The following MGST2 variants were observed in gnomAD, a reference collection of about 807,000 sequenced individuals.
MGST2 encodes glutathione peroxidase MGST2.
MGST2 carries 9 observed loss-of-function variants against 16.6 expected under a neutral mutation model. That is an observed-to-expected ratio of 0.54 (90% CI 0.33 to 0.95). The LOEUF is 0.95. Among genes scored for constraint, MGST2 ranks in the 40% least tolerant of loss-of-function variants. The pLI, the probability that MGST2 is intolerant of heterozygous loss-of-function variation, is 0.03. For missense variants in MGST2, 159 were observed against 175.1 expected, an observed-to-expected ratio of 0.91 and a Z score of 0.52; for synonymous variants, 79 against 68.0, an observed-to-expected ratio of 1.16 and a Z score of -0.79.
intron 3 of MGST2, among the ~76,000 whole-genome samples, chr4:139,696,671 A>G (rs566183611): frequency 6.6e-6 from 1 of 152,290 alleles, no homozygotes; most frequent in East Asian, 1.9e-4. Context: ...GCTCTGTTGT[A>G]AATCCTGTGA....
chr4:139,682,523 A>G (rs1184106834), intron 2 of MGST2, among the ~76,000 whole-genome samples: 1 of 152,198 alleles, frequency 6.6e-6, no homozygotes, highest in African/African-American at 2.4e-5. Flanking sequence ...CAGAGAGGTC[A>G]TAGACGGCTG....
intron 3 of MGST2, among the ~76,000 whole-genome samples, chr4:139,699,946 C>T (rs907988707): frequency 1.1e-4 from 16 of 152,020 alleles, no homozygotes; most frequent in Non-Finnish European, 1.5e-4. Context: ...GTGAGAGGAG[C>T]TCTCAAGCCC....
intron 3 of MGST2, chr4:139,698,378 A>C: frequency 7.5e-6 from 12 of 1,605,516 alleles, no homozygotes; most frequent in Non-Finnish European, 1.0e-5. Context: ...CCAGAAGTTC[A>C]GTGGACTTCT....
intron 1 of MGST2, 21 bp from the exon 2 acceptor site, chr4:139,678,522 A>G (rs1339292715): frequency 1.5e-5 from 24 of 1,598,018 alleles, no homozygotes; most frequent in Non-Finnish European, 1.9e-5. Context: ...TCTTTAACGC[A>G]ACATTTCCCT....
At chr4:139,749,884 A>AACC in the MGST2 span, among the ~76,000 whole-genome samples, 9 of 97,350 alleles carry the variant, frequency 9.2e-5, no homozygotes, top group African/African-American at 4.0e-4. Flanking sequence ...GATGAATAAG[A>AACC]ACCCCCCCCC....
chr4:139,731,616 C>CA (rs146139547), intron 5 of MGST2, among the ~76,000 whole-genome samples: 4,592 of 150,474 alleles, frequency 0.031, 99 homozygotes, highest in Non-Finnish European at 0.047. Context: ...GACTCTTTCT[C>CA]AAAAAAAAAG....
In MGST2 at chr4:139,669,153, C is replaced by A. The variant is rs150469142; in HGVS notation, c.58+3076C>A. On this transcript the variant is annotated intron_variant, in intron 1 of 4. Transcript: ENST00000265498. ...CACCTTTTCCCCATCATGGCCTGAACTCGTTTTTTAGGTTAACTTTGGAAT... is the reference window on the plus strand; with the variant it reads ...CACCTTTTCCCCATCATGGCCTGAAATCGTTTTTTAGGTTAACTTTGGAAT... Among the ~76,000 whole-genome samples the A allele has an allele frequency of 4.3e-4, 65 of 152,200 alleles. No individual in the cohort carries two copies. In the East Asian group the frequency reaches 7.7e-3, roughly 18 times the overall value.
chr4:139,695,149 T>C, intron 2 of MGST2, 48 bp from the exon 3 acceptor site: 1 of 1,314,772 alleles, frequency 7.6e-7, no homozygotes, highest in Non-Finnish European at 1.1e-6. Flanking sequence ...AATGCTTCAG[T>C]GTATACTTTT....
intron 2 of MGST2, among the ~76,000 whole-genome samples, chr4:139,685,960 A>C (rs369778152): frequency 6.6e-6 from 1 of 152,166 alleles, no homozygotes; most frequent in Non-Finnish European, 1.5e-5. Flanking sequence ...CACCACACCC[A>C]GCCTGAAGAG....
the MGST2 span, among the ~76,000 whole-genome samples, chr4:139,751,156 A>G: frequency 6.6e-6 from 1 of 152,208 alleles, no homozygotes; most frequent in Admixed American, 6.5e-5. Flanking sequence ...CCTCTGAAAA[A>G]TATCTCTCCC....
intron 5 of MGST2, among the ~76,000 whole-genome samples, chr4:139,710,433 GC>G (rs1376048199): frequency 1.3e-5 from 2 of 152,114 alleles, no homozygotes; most frequent in Non-Finnish European, 2.9e-5. Context: ...TTCATCCAGT[GC>G]CAAACGAGTA....
intron 5 of MGST2, among the ~76,000 whole-genome samples, chr4:139,711,360 GTTTA>G (rs899411181): frequency 6.6e-6 from 1 of 152,110 alleles, no homozygotes; most frequent in Non-Finnish European, 1.5e-5. Flanking sequence ...GTGAAAGCAA[GTTTA>G]TTAAGAAAGT....
intron 3 of MGST2, among the ~76,000 whole-genome samples, chr4:139,696,591 A>G (rs1726935563): frequency 6.6e-6 from 1 of 152,184 alleles, no homozygotes; most frequent in African/African-American, 2.4e-5. Flanking sequence ...TCCAAGATTC[A>G]TATCTTGAGA....
At chr4:139,681,794 A>G (rs917308673) in intron 2 of MGST2, among the ~76,000 whole-genome samples, 9 of 152,186 alleles carry the variant, frequency 5.9e-5, no homozygotes, top group Non-Finnish European at 1.0e-4. Context: ...GCATTGTTAT[A>G]ATAGCTTGGC....
chr4:139,666,558 GA>G (rs905655750), intron 1 of MGST2, among the ~76,000 whole-genome samples: 2 of 152,034 alleles, frequency 1.3e-5, no homozygotes, highest in African/African-American at 2.4e-5. Flanking sequence ...TTATCAGATT[GA>G]AAAAAACTTC....
intron 2 of MGST2, among the ~76,000 whole-genome samples, chr4:139,682,291 G>A (rs1456976271): frequency 6.6e-6 from 1 of 152,108 alleles, no homozygotes; most frequent in Non-Finnish European, 1.5e-5. Context: ...AAGAGGGTAT[G>A]GGATGGGTTC....
chr4:139,736,198 A>G (rs191489014), intron 5 of MGST2, among the ~76,000 whole-genome samples: 1 of 152,300 alleles, frequency 6.6e-6, no homozygotes, highest in Admixed American at 6.5e-5. Context: ...CTTTAGCCCA[A>G]CTGGGATTTC....
chr4:139,714,259 C>T (rs747932639), intron 5 of MGST2, among the ~76,000 whole-genome samples: 1 of 152,198 alleles, frequency 6.6e-6, no homozygotes, highest in Non-Finnish European at 1.5e-5. Context: ...ACAAAATACA[C>T]CAGCTTAAGA....
chr4:139,666,542 G>A (rs1206672888), intron 1 of MGST2, among the ~76,000 whole-genome samples: 1 of 152,104 alleles, frequency 6.6e-6, no homozygotes, highest in East Asian at 1.9e-4. Flanking sequence ...GCCTATGGTG[G>A]TATGATTATC....
Sources: allele counts gnomAD v4.1 joint callset (sites outside exome capture counted in the v4.1 genomes callset), GRCh38; gene constraint gnomAD v4.1.1; transcripts MANE v1.5; gene names NCBI Gene and HGNC (gene_info 2026-07-23, HGNC 2026-07-21).